The following PLCG2 variants were observed in gnomAD, a reference collection of about 807,000 sequenced individuals.
PLCG2 encodes the protein 1-phosphatidylinositol 4,5-bisphosphate phosphodiesterase gamma-2.
PLCG2 carries 69 observed loss-of-function variants against 175.6 expected under a neutral mutation model. The ratio of observed to expected loss-of-function variants is 0.39; its 90% confidence interval spans 0.32 to 0.48. The LOEUF (loss-of-function observed/expected upper bound fraction) is 0.48, where lower values mean the gene tolerates loss of function less well. PLCG2 is among the 20% of genes least tolerant of loss of function. PLCG2 has a pLI of 0.91. For missense variants in PLCG2, 1,798 were observed against 1,650.9 expected, an observed-to-expected ratio of 1.09 and a Z score of -1.54; for synonymous variants, 827 against 624.0, an observed-to-expected ratio of 1.33 and a Z score of -4.85.
At chr16:81,776,431 T>C (rs1156819751), upstream of PLCG2, among the ~76,000 whole-genome samples, 1 of 151,358 alleles carries the variant, frequency 6.6e-6, no homozygotes, top group African/African-American at 2.4e-5. Flanking sequence ...TTTCCCTACC[T>C]ATTTTATTCC....
Position 81,874,948 on chromosome 16 carries a change from G to GTTTTTTTGTTTTTTTGTTCTTTTTTTTTT in PLCG2, c.648+4020_648+4021insGTTTTTTTGTTCTTTTTTTTTTTTTTTTT, listed in dbSNP as rs1907695346. ...CTATTTGCTAGGCACTATCCTATGTGTTTTTTTTTTTTTTTTTTTTTTTTT... is the reference window on the plus strand; with the variant it reads ...CTATTTGCTAGGCACTATCCTATGTGTTTTTTTGTTTTTTTGTTCTTTTTTTTTTTTTTTTTTTTTTTTTTTTTTTTTTT... On this transcript the variant is annotated intron_variant, in intron 7 of 32. Coordinates refer to ENST00000564138, the MANE Select transcript of PLCG2 (RefSeq NM_002661.5). Among the ~76,000 whole-genome samples the GTTTTTTTGTTTTTTTGTTCTTTTTTTTTT allele has an allele frequency of 7.4e-5, 3 of 40,770 alleles. 1 individual carries two copies. The allele number at this position is 40,770 out of a possible 152,430, so 26.7% of individuals were successfully genotyped here. A position where few individuals can be genotyped will look rare whatever the true frequency, so the allele number is the denominator to read the frequency against.
intron 13 of PLCG2, 106 bp downstream of exon 13, chr16:81,896,033 T>G: frequency 7.2e-7 from 1 of 1,393,648 alleles, no homozygotes; most frequent in Non-Finnish European, 1.0e-6. Context: ...TCCCTCCAAA[T>G]GCGGGAAGGC....
intron 14 of PLCG2, among the ~76,000 whole-genome samples, chr16:81,904,674 T>C (rs1400530220): frequency 6.6e-6 from 1 of 152,092 alleles, no homozygotes; most frequent in Non-Finnish European, 1.5e-5. Context: ...ATTCACCGAG[T>C]ATCAACAGAG....
chr16:81,771,408 G>C (rs1040831310), intron 2 of PLCG2, among the ~76,000 whole-genome samples: 2 of 152,176 alleles, frequency 1.3e-5, no homozygotes, highest in Non-Finnish European at 2.9e-5. Context: ...GTGAAACACA[G>C]CCTTGTTTTA....
At chr16:81,887,701 C>G (rs4410069) in intron 9 of PLCG2, among the ~76,000 whole-genome samples, 2 of 152,000 alleles carry the variant, frequency 1.3e-5, no homozygotes, top group African/African-American at 2.4e-5. Flanking sequence ...CACATCTGGT[C>G]GCATATTTGC....
In PLCG2 at chr16:81,908,584, T is replaced by A; in HGVS notation, c.1726T>A (p.Ser576Thr). The A allele has an allele frequency of 1.2e-6, 2 of 1,608,554 alleles. No homozygotes were observed. The highest frequency in any genetic ancestry group is 1.7e-6 in the Non-Finnish European group (2 of 1,177,800). Reference protein sequence around the residue: ...SETFPNDYTLSFWRSGRVQHC... With the variant: ...SETFPNDYTLTFWRSGRVQHC... ...GACCTTCCCCAATGACTACACCCTG[T>A]CCTTCTGGTAATGCCCCCGACCCAG... The change falls in exon 17 of 33, where the codon TCC (serine) becomes ACC (threonine). Residue 576 changes from serine to threonine, a missense_variant. Coordinates refer to ENST00000564138, the MANE Select transcript of PLCG2 (RefSeq NM_002661.5).
intron 1 of PLCG2, among the ~76,000 whole-genome samples, chr16:81,784,414 G>A (rs182661040): frequency 6.6e-6 from 1 of 152,324 alleles, no homozygotes; most frequent in East Asian, 1.9e-4. Context: ...ACAGATGAGG[G>A]AACCGAGCCA....
intron 31 of PLCG2, among the ~76,000 whole-genome samples, chr16:81,948,433 C>T (rs977618803): frequency 1.3e-5 from 2 of 152,196 alleles, no homozygotes; most frequent in African/African-American, 4.8e-5. Context: ...CTGTTTAGTA[C>T]TGATCCTGGG....
chr16:81,895,710 C>G lies in PLCG2; in HGVS notation c.1073-97C>G, dbSNP rs1908853313. 8 of 1,386,488 alleles carry G rather than the reference C, an allele frequency of 5.8e-6. No homozygotes were observed. The African/African-American group carries it at 1.1e-4, about 20-fold the overall frequency. The allele number at this position is 1,386,488 out of a possible 1,614,324, so 85.9% of individuals were successfully genotyped here. A position where few individuals can be genotyped will look rare whatever the true frequency, so the allele number is the denominator to read the frequency against. The stretch of plus-strand genomic sequence containing the variant: ...GCCGAATGGAGGGAGTGTGGGTGTC[C>G]TTGTCTAGTAACTGAACTGGTGTGT... On this transcript the variant is annotated intron_variant, in intron 12 of 32. Coordinates refer to ENST00000564138, the MANE Select transcript of PLCG2 (RefSeq NM_002661.5).
At chr16:81,918,059 C>A (rs181553874) in intron 19 of PLCG2, among the ~76,000 whole-genome samples, 1 of 152,164 alleles carries the variant, frequency 6.6e-6, no homozygotes, top group Non-Finnish European at 1.5e-5. Context: ...TATTTTCTTA[C>A]TATTGAGCTG....
At position 81,937,814 on chromosome 16, in the gene PLCG2, G is replaced by A. The variant is rs373561919; in HGVS notation, c.3109G>A (p.Val1037Ile). The part of the protein sequence containing the change: ...LFSLNGRTGY[V>I]LQPESMRTEK... ...TTCTCTCAATGGGCGCACGGGCTAC[G>A]TTCTGCAGCCTGAGAGCATGAGGAC... Residue 1037 changes from valine to isoleucine, a missense_variant, in exon 28 of 33, where the codon GTT (valine) becomes ATT (isoleucine). Physicochemically the swap from Val to Ile is conservative, Grantham distance 29. Coordinates refer to ENST00000564138, the MANE Select transcript of PLCG2 (RefSeq NM_002661.5). 1.6e-5 allele frequency: 26 copies of A among 1,613,754 alleles called. 1 individual carries two copies. The highest frequency in any genetic ancestry group is 1.1e-4 in the East Asian group (5 of 44,896).
rs186594647 is a variant in PLCG2, at chr16:81,767,528, C to G, written c.-48+11562C>G. ...AAGCCTTCCCAACCTGCACTGATCA[C>G]TTCTTCTTCTTCTCTTTGGGATTAT... On this transcript the variant is annotated intron_variant, in intron 2 of 5. Transcript: ENST00000565054. 2.6e-5 allele frequency: 4 copies of G among 152,116 alleles called. No homozygotes were observed. In the East Asian group the frequency reaches 7.7e-4, roughly 29 times the overall value. 9.4% of individuals were successfully genotyped at this position (152,116 alleles called of 1,614,324 possible). A position where few individuals can be genotyped will look rare whatever the true frequency, so the allele number is the denominator to read the frequency against.
chr16:81,935,384 C>A (rs776563397), intron 26 of PLCG2, among the ~76,000 whole-genome samples: 1 of 151,920 alleles, frequency 6.6e-6, no homozygotes, highest in Non-Finnish European at 1.5e-5. Context: ...GTGACATGCA[C>A]AGGCTCCAGA....
At chr16:81,878,787 C>A (rs74736661) in intron 7 of PLCG2, among the ~76,000 whole-genome samples, 1 of 152,168 alleles carries the variant, frequency 6.6e-6, no homozygotes, top group African/African-American at 2.4e-5. Flanking sequence ...CTTTGGGATG[C>A]CCGACTGTCT....
chr16:81,937,177 G>C (rs565613869), intron 27 of PLCG2, among the ~76,000 whole-genome samples: 1 of 152,284 alleles, frequency 6.6e-6, no homozygotes, highest in Admixed American at 6.5e-5. Context: ...TCGTGGGCGG[G>C]GATGCAAATA....
At chr16:81,756,360 G>A (rs551668119) in intron 2 of PLCG2, among the ~76,000 whole-genome samples, 11 of 152,334 alleles carry the variant, frequency 7.2e-5, no homozygotes, top group South Asian at 2.1e-4. Flanking sequence ...TGACCTCAGC[G>A]ATCTGTAAGA....
chr16:81,924,819 G>A (rs1434772413), intron 22 of PLCG2, among the ~76,000 whole-genome samples: 1 of 152,212 alleles, frequency 6.6e-6, no homozygotes, highest in Non-Finnish European at 1.5e-5. Context: ...AGCCTCTGAT[G>A]CTTCCCCTTG....
chr16:81,949,072 C>T (rs1911266874), intron 31 of PLCG2, among the ~76,000 whole-genome samples: 1 of 152,044 alleles, frequency 6.6e-6, no homozygotes, highest in Admixed American at 6.6e-5. Flanking sequence ...ATTAGTGACA[C>T]CAAAGATAAT....
At chr16:81,831,030 G>A (rs974344829) in intron 2 of PLCG2, among the ~76,000 whole-genome samples, 3 of 152,082 alleles carry the variant, frequency 2.0e-5, no homozygotes, top group Admixed American at 6.5e-5. Flanking sequence ...TTTACTATTT[G>A]CTCTGCCTGA....
Sources: gnomAD v4.1 joint callset for allele counts (sites outside exome capture counted in the v4.1 genomes callset) on GRCh38, gnomAD v4.1.1 for gene constraint, MANE v1.5 for transcripts, NCBI Gene and HGNC (gene_info 2026-07-23, HGNC 2026-07-21) for gene names.